The following KCTD1 variants were observed in gnomAD, a reference collection of about 807,000 sequenced individuals.
KCTD1 encodes the protein BTB/POZ domain-containing protein KCTD1.
KCTD1 carries 24 observed loss-of-function variants against 66.0 expected under a neutral mutation model. The ratio of observed to expected loss-of-function variants is 0.36; its 90% CI spans 0.26 to 0.51. The LOEUF (loss-of-function observed/expected upper bound fraction) is 0.51. KCTD1 is among the 20% of genes least tolerant of loss of function. The probability of loss-of-function intolerance (pLI) is 0.95; values close to 1 mark genes in which losing one functional copy is unlikely to be tolerated. For synonymous variants in KCTD1, 511 were observed against 517.2 expected (o/e 0.99, Z 0.16); for missense variants, 943 against 1,205.2 (o/e 0.78, Z 3.22).
upstream of KCTD1, chr18:26,548,848 G>A (rs1484813164): frequency 2.0e-6 from 2 of 1,023,482 alleles, no homozygotes; most frequent in African/African-American, 1.7e-5. Flanking sequence ...AAAAAGGAAA[G>A]GGAGGGAGAG....
intron 1 of KCTD1, among the ~76,000 whole-genome samples, chr18:26,511,692 A>AT (rs1306331666): frequency 2.0e-5 from 3 of 152,198 alleles, no homozygotes; most frequent in Non-Finnish European, 2.9e-5. Flanking sequence ...TTACTGTGAT[A>AT]TTTTACATGC....
chr18:26,579,492 T>C (rs1300908448), intron 1 of KCTD1, among the ~76,000 whole-genome samples: 2 of 152,350 alleles, frequency 1.3e-5, no homozygotes, highest in Non-Finnish European at 2.9e-5. Flanking sequence ...GAGTTCCACC[T>C]GATTTAGATA....
At chr18:26,615,513 T>A (rs920380903) in intron 1 of KCTD1, among the ~76,000 whole-genome samples, 7 of 152,046 alleles carry the variant, frequency 4.6e-5, no homozygotes, top group African/African-American at 1.7e-4. Flanking sequence ...ATGAGAAGAG[T>A]GCAAAATCAA....
chr18:26,657,226 C>G (rs1180710), intron 1 of KCTD1: 22 of 647,684 alleles, frequency 3.4e-5, no homozygotes, highest in African/African-American at 6.0e-5. Context: ...TCGCCCGCCG[C>G]GGCGGGCGGC....
At chr18:26,555,784 A>G (rs551714888) in intron 1 of KCTD1, among the ~76,000 whole-genome samples, 1 of 152,356 alleles carries the variant, frequency 6.6e-6, no homozygotes, top group Admixed American at 6.5e-5. Context: ...TTCTATAGCA[A>G]TGTCAGTTAC....
intron 1 of KCTD1, among the ~76,000 whole-genome samples, chr18:26,596,670 G>A (rs557096020): frequency 1.3e-5 from 2 of 152,166 alleles, no homozygotes; most frequent in Admixed American, 1.3e-4. Context: ...TAAATATCAG[G>A]TTCTTCTTCT....
intron 1 of KCTD1, among the ~76,000 whole-genome samples, chr18:26,502,260 A>G: frequency 6.6e-6 from 1 of 152,214 alleles, no homozygotes; most frequent in East Asian, 1.9e-4. Flanking sequence ...CGTGTTAGCC[A>G]GGATGGTCTT....
At chr18:26,474,791 T>G (rs1421200550) in intron 3 of KCTD1, among the ~76,000 whole-genome samples, 1 of 152,232 alleles carries the variant, frequency 6.6e-6, no homozygotes, top group Non-Finnish European at 1.5e-5. Flanking sequence ...GGATAGCTTC[T>G]GGGTATGAAG....
intron 3 of KCTD1, among the ~76,000 whole-genome samples, chr18:26,475,534 T>C (rs993135476): frequency 1.3e-5 from 2 of 152,238 alleles, no homozygotes; most frequent in African/African-American, 4.8e-5. Flanking sequence ...TAGCTTATGA[T>C]TGGCTCTTGC....
upstream of KCTD1, among the ~76,000 whole-genome samples, chr18:26,643,312 C>T (rs923474504): frequency 3.4e-4 from 52 of 152,102 alleles, no homozygotes; most frequent in Admixed American, 2.0e-4. Context: ...TTAATTATGT[C>T]CCCAAAGTCC....
Position 26,547,048 on chromosome 18 carries a change from TG to T in KCTD1, c.1488del (p.Thr497ProfsTer30). ...GGGCGGTGGTGGTGGGAGGGATGGG[TG>T]GGGGGGTGGTGGGAGTGGTGCCGTG... ...GAARHHSHHPPTHPSHHHRPQ... is the reference protein window; with the variant it reads ...GAARHHSHHPXTHPSHHHRPQ... On this transcript the variant is annotated frameshift_variant, in exon 1 of 5. Coordinates refer to ENST00000580059, the MANE Select transcript of KCTD1 (RefSeq NM_001142730.3). LOFTEE classifies it high-confidence loss of function. 7 of 247,946 alleles carry T rather than the reference TG, an allele frequency of 2.8e-5. No homozygotes were observed. The highest frequency in any genetic ancestry group is 3.8e-5 in the Non-Finnish European group (5 of 132,102). The allele number at this position is 247,946 out of a possible 1,614,324, so 15.4% of individuals were successfully genotyped here. A position where few individuals can be genotyped will look rare whatever the true frequency, so the allele number is the denominator to read the frequency against.
chr18:26,569,020 T>C (rs968906731), intron 1 of KCTD1, among the ~76,000 whole-genome samples: 1 of 152,210 alleles, frequency 6.6e-6, no homozygotes, highest in Non-Finnish European at 1.5e-5. Context: ...TGATCCCACC[T>C]CTATTGCATA....
chr18:26,600,418 C>G lies in KCTD1; in HGVS notation c.-16+28729G>C, dbSNP rs1385445092. The G allele has an allele frequency of 5.2e-6, 4 of 771,424 alleles. No homozygotes were observed. In the East Asian group the frequency reaches 1.1e-4, roughly 20 times the overall value. The allele number at this position is 771,424 out of a possible 1,614,324, so 47.8% of individuals were successfully genotyped here. A position where few individuals can be genotyped will look rare whatever the true frequency, so the allele number is the denominator to read the frequency against. ...CAAATCCCACCACGGTGTCTCCTCCCACCTCCTCTGGATTTGTTCACTCTG... is the reference window on the plus strand; with the variant it reads ...CAAATCCCACCACGGTGTCTCCTCCGACCTCCTCTGGATTTGTTCACTCTG... On this transcript the variant is annotated intron_variant, in intron 1 of 4. Transcript: ENST00000317932.
chr18:26,496,923 T>C (rs8096338), intron 2 of KCTD1, among the ~76,000 whole-genome samples: 1,705 of 152,280 alleles, frequency 0.011, 26 homozygotes, highest in African/African-American at 0.038. Flanking sequence ...CCATTCAGAG[T>C]CAGATGGTGA....
At chr18:26,481,515 A>C (rs1981646487) in intron 2 of KCTD1, among the ~76,000 whole-genome samples, 1 of 152,190 alleles carries the variant, frequency 6.6e-6, no homozygotes, top group Admixed American at 6.5e-5. Context: ...AGATCGTAAA[A>C]AGCCATGTGA....
rs555749349 is a variant in KCTD1 at position 26,468,846 on chromosome 18, CA to C, written c.2133+7668del. Among the ~76,000 whole-genome samples the C allele has an allele frequency of 1.0e-3, 154 of 152,142 alleles. No individual in the cohort carries two copies. The highest frequency in any genetic ancestry group is 3.5e-3 in the African/African-American group (147 of 41,520). On this transcript the variant is annotated intron_variant, in intron 3 of 4. Coordinates refer to ENST00000580059, the MANE Select transcript of KCTD1 (RefSeq NM_001142730.3). This position sits in a 1 kb window ranked among gnomAD's most constrained non-coding sequence, Gnocchi z 4.8. ...TGGGCGACAGAGCAAGACTTTGTCT[CA>C]AAGAAACCAAAAAACCCCAAAAGCC...
chr18:26,564,892 GAA>G (rs370016340), intron 1 of KCTD1, among the ~76,000 whole-genome samples: 15 of 94,076 alleles, frequency 1.6e-4, no homozygotes, highest in African/African-American at 4.7e-4. Context: ...TCTGTCTCAA[GAA>G]AAAAAAAAAA....
At chr18:26,589,391 A>G (rs994793928) in intron 1 of KCTD1, among the ~76,000 whole-genome samples, 2 of 152,160 alleles carry the variant, frequency 1.3e-5, no homozygotes, top group Non-Finnish European at 1.5e-5. Flanking sequence ...TGAAACCTCT[A>G]TGGGATTTTA....
intron 1 of KCTD1, among the ~76,000 whole-genome samples, chr18:26,523,018 T>C (rs1479020605): frequency 6.6e-6 from 1 of 152,146 alleles, no homozygotes; most frequent in Non-Finnish European, 1.5e-5. Flanking sequence ...GTTTGTGAAT[T>C]AGAGTTAAAA....
Sources: allele counts gnomAD v4.1 joint callset (sites outside exome capture counted in the v4.1 genomes callset), GRCh38; gene constraint gnomAD v4.1.1; non-coding constraint Gnocchi (gnomAD v3.1); transcripts MANE v1.5; gene names NCBI Gene and HGNC (gene_info 2026-07-23, HGNC 2026-07-21).